SEPTIN6: variants seen among roughly 807,000 people sequenced by gnomAD.
SEPTIN6 encodes septin-6.
Under a neutral mutation model 33.6 loss-of-function variants are expected in SEPTIN6, and 8 were observed. That is an observed-to-expected ratio of 0.24 (90% confidence interval 0.14 to 0.43). The LOEUF (loss-of-function observed/expected upper bound fraction) is 0.43, where lower values mean the gene tolerates loss of function less well. SEPTIN6 is among the 20% of genes least tolerant of loss of function. The probability of loss-of-function intolerance (pLI) is 1.00; values close to 1 mark genes in which losing one functional copy is unlikely to be tolerated. For synonymous variants in SEPTIN6, 131 were observed against 140.0 expected (o/e 0.94, Z 0.45); for missense variants, 250 against 340.8 (o/e 0.73, Z 2.10).
chrX:119,616,607 T>A, downstream of SEPTIN6: 1 of 769,707 alleles, frequency 1.3e-6, no homozygotes, highest in Non-Finnish European at 2.0e-6. Context: ...GTGGTGTATG[T>A]GTGTGTGCTT....
intron 1 of SEPTIN6, among the ~76,000 whole-genome samples, chrX:119,684,487 T>TTTG (rs1477025361): frequency 4.1e-5 from 4 of 98,243 alleles, no homozygotes; most frequent in Non-Finnish European, 8.3e-5. Context: ...CAGAGGTTTT[T>TTTG]TTTTTTTTTT....
intron 8 of SEPTIN6, among the ~76,000 whole-genome samples, chrX:119,630,591 C>T (rs2053940228): frequency 8.9e-6 from 1 of 112,148 alleles, no homozygotes; most frequent in Non-Finnish European, 1.9e-5. Flanking sequence ...CAGTGGCTCA[C>T]GCCTGTAATA....
chrX:119,639,748 T>C (rs1210324159), intron 6 of SEPTIN6, among the ~76,000 whole-genome samples: 4 of 111,579 alleles, frequency 3.6e-5, no homozygotes, highest in Non-Finnish European at 5.6e-5. Flanking sequence ...CCTAAGAATA[T>C]ATATCTTGTT....
Position 119,620,018 on chromosome X carries a change from T to G in SEPTIN6, c.*75A>C. 8.3e-7 allele frequency: 1 copy of G among 1,207,981 alleles called. No homozygotes were observed. Among genetic ancestry groups the G allele is most frequent in the South Asian group, 1.8e-5 (1 of 56,636 alleles). On this transcript the variant is annotated 3_prime_UTR_variant, in exon 11 of 11. Coordinates refer to ENST00000394610, the MANE Select transcript of SEPTIN6 (RefSeq NM_145799.4). ...TAGAGAAAGGGAGGCCCAGCTCTGTTGCGCAGGAAAAGGGTGTCTACAGGA... is the reference window on the plus strand; with the variant it reads ...TAGAGAAAGGGAGGCCCAGCTCTGTGGCGCAGGAAAAGGGTGTCTACAGGA...
intron 7 of SEPTIN6, 53 bp from the exon 8 acceptor site, chrX:119,633,545 T>C: frequency 1.7e-6 from 2 of 1,146,882 alleles, no homozygotes; most frequent in Non-Finnish European, 2.3e-6. Context: ...TCCTATTTGA[T>C]AAAACTGGCC....
intron 2 of SEPTIN6, among the ~76,000 whole-genome samples, chrX:119,666,604 C>T (rs993672959): frequency 9.0e-6 from 1 of 111,207 alleles, no homozygotes; most frequent in African/African-American, 3.3e-5. Context: ...TCTGGCTACC[C>T]GGCCCCCCAG....
At chrX:119,692,201 A>G (rs1049021244) in intron 1 of SEPTIN6, among the ~76,000 whole-genome samples, 2 of 109,961 alleles carry the variant, frequency 1.8e-5, no homozygotes, top group Admixed American at 2.0e-4. Flanking sequence ...CATAGAAAGA[A>G]GCCAGCTCCA....
Position 119,634,313 on chromosome X carries a change from G to A in SEPTIN6, c.957-821C>T, listed in dbSNP as rs771584574. ...GAACCTGCTAGGCGAAGGTTGAAGT[G>A]AGCCGAGATTGCGCCACTGCACTCC... On this transcript the variant is annotated intron_variant, in intron 7 of 10. Coordinates refer to ENST00000394610, the MANE Select transcript of SEPTIN6 (RefSeq NM_145799.4). 8.5e-5 allele frequency among the ~76,000 whole-genome samples: 9 copies of A among 106,232 alleles called. No individual in the cohort carries two copies. The Admixed American group carries it at 9.1e-4, about 11-fold the overall frequency. 92.2% of individuals were successfully genotyped at this position (106,232 alleles called of 115,157 possible).
intron 4 of SEPTIN6, among the ~76,000 whole-genome samples, chrX:119,652,375 C>A (rs2054364994): frequency 8.9e-6 from 1 of 111,982 alleles, no homozygotes; most frequent in Non-Finnish European, 1.9e-5. Flanking sequence ...CACTTAACCT[C>A]TGAGAGCCTC....
In SEPTIN6 at chrX:119,675,547, T is replaced by C. The variant is rs764080072; in HGVS notation, c.145+7A>G. On this transcript the variant is annotated splice_region_variant and intron_variant, in intron 2 of 10. Transcript: ENST00000394610. ...GTAATAGAATTTCCTGCTATGGAAA[T>C]ACTCACCCACGCACAGGATGTTGAA... is the stretch of plus-strand genomic sequence containing the variant. The C allele has an allele frequency of 9.4e-7, 1 of 1,068,302 alleles. No homozygotes were observed. The highest frequency in any genetic ancestry group is 1.3e-6 in the Non-Finnish European group (1 of 797,225). 88.0% of individuals were successfully genotyped at this position (1,068,302 alleles called of 1,213,427 possible).
intron 4 of SEPTIN6, among the ~76,000 whole-genome samples, chrX:119,652,130 G>A (rs2054361227): frequency 8.9e-6 from 1 of 111,871 alleles, no homozygotes; most frequent in Admixed American, 9.5e-5. Flanking sequence ...CGCCATGTTG[G>A]CCAGGCTGGT....
chrX:119,678,437 G>A (rs748085626), intron 1 of SEPTIN6, among the ~76,000 whole-genome samples: 10 of 109,354 alleles, frequency 9.1e-5, no homozygotes, highest in African/African-American at 2.7e-4. Context: ...GGAGAATGGC[G>A]TGAACCTGGG....
At chrX:119,636,990 G>A in intron 7 of SEPTIN6, 37 bp downstream of exon 7, 1 of 1,180,938 alleles carries the variant, frequency 8.5e-7, no homozygotes, top group Non-Finnish European at 1.1e-6. Context: ...GCTGAGCTGA[G>A]CTGGGCTGGG....
chrX:119,673,620 A>G (rs2054786082), intron 2 of SEPTIN6, among the ~76,000 whole-genome samples: 2 of 110,291 alleles, frequency 1.8e-5, no homozygotes, highest in Admixed American at 9.7e-5. Context: ...TAATCCCAGA[A>G]GTTTGGGAGG....
intron 10 of SEPTIN6, 32 bp from the exon 11 acceptor site, chrX:119,620,083 A>T: frequency 9.2e-7 from 1 of 1,082,554 alleles, no homozygotes; most frequent in Non-Finnish European, 1.3e-6. Context: ...GAGTTAATGA[A>T]TGGATAGATT....
At chrX:119,676,249 G>A (rs1340094312) in intron 1 of SEPTIN6, among the ~76,000 whole-genome samples, 1 of 110,905 alleles carries the variant, frequency 9.0e-6, no homozygotes, top group Non-Finnish European at 1.9e-5. Flanking sequence ...GATCACTTGA[G>A]GTCAGGAGTT....
chrX:119,620,599 G>A (rs1479411967), intron 10 of SEPTIN6, among the ~76,000 whole-genome samples: 1 of 109,428 alleles, frequency 9.1e-6, no homozygotes, highest in Non-Finnish European at 1.9e-5. Flanking sequence ...GATTACAGGC[G>A]TGAGCCACTG....
chrX:119,654,350 G>T (rs1015920773), intron 3 of SEPTIN6, among the ~76,000 whole-genome samples: 1 of 111,150 alleles, frequency 9.0e-6, no homozygotes, highest in Non-Finnish European at 1.9e-5. Flanking sequence ...CTCTAACTAG[G>T]TCAGCTTAGC....
intron 4 of SEPTIN6, among the ~76,000 whole-genome samples, chrX:119,650,797 G>A (rs965515248): frequency 1.8e-5 from 2 of 111,522 alleles, no homozygotes; most frequent in African/African-American, 3.3e-5. Flanking sequence ...AGAACCTATA[G>A]TTACAATTTG....
Sources: allele counts gnomAD v4.1 joint callset (sites outside exome capture counted in the v4.1 genomes callset), GRCh38; gene constraint gnomAD v4.1.1; transcripts MANE v1.5; gene names NCBI Gene and HGNC (gene_info 2026-07-23, HGNC 2026-07-21).